The following ACTN4 variants were observed in gnomAD, a reference collection of about 807,000 sequenced individuals.
The protein encoded by ACTN4 is alpha-actinin-4.
A neutral mutation model predicts 114.2 loss-of-function variants in ACTN4; 18 were observed. That is an observed-to-expected ratio of 0.16 (90% confidence interval 0.11 to 0.23). ACTN4 has a LOEUF of 0.23. Among genes scored for constraint, ACTN4 ranks in the 10% least tolerant of loss-of-function variants. ACTN4 has a pLI of 1.00. For missense variants in ACTN4, 722 were observed against 1,262.9 expected (o/e 0.57, Z 6.49); for synonymous variants, 515 against 506.3 (o/e 1.02, Z -0.23).
chr19:38,713,179 GAGATCATTTATTTCTA>G (rs1189980411), intron 8 of ACTN4, among the ~76,000 whole-genome samples: 17 of 152,172 alleles, frequency 1.1e-4, no homozygotes, highest in Non-Finnish European at 2.5e-4. Context: ...ATTCTGTCCT[GAGATCATTTATTTCTA>G]GTCACCGAAG....
intron 4 of ACTN4, among the ~76,000 whole-genome samples, chr19:38,705,805 G>A (rs1033256274): frequency 3.3e-5 from 5 of 152,332 alleles, no homozygotes; most frequent in Non-Finnish European, 7.4e-5. Context: ...GACTCTCCTC[G>A]GGGCCGTGAG....
At chr19:38,689,949 TGA>T (rs1967869291) in intron 1 of ACTN4, among the ~76,000 whole-genome samples, 1 of 152,156 alleles carries the variant, frequency 6.6e-6, no homozygotes, top group African/African-American at 2.4e-5. Context: ...CTGGGGAAGG[TGA>T]TCGCACCCAC....
intron 1 of ACTN4, among the ~76,000 whole-genome samples, chr19:38,662,621 T>C (rs1387543358): frequency 6.6e-6 from 1 of 152,188 alleles, no homozygotes; most frequent in Non-Finnish European, 1.5e-5. Context: ...TTCCACTTTA[T>C]AAAATCAATT....
chr19:38,664,302 A>T (rs1966891727), intron 1 of ACTN4, among the ~76,000 whole-genome samples: 1 of 151,474 alleles, frequency 6.6e-6, no homozygotes, highest in Non-Finnish European at 1.5e-5. Flanking sequence ...TTTTAAACTC[A>T]TTCAGATGCT....
intron 1 of ACTN4, among the ~76,000 whole-genome samples, chr19:38,661,741 C>T (rs1197865835): frequency 6.6e-6 from 1 of 152,210 alleles, no homozygotes; most frequent in East Asian, 1.9e-4. Context: ...CAAGCTCCAC[C>T]TCCCAGGTTC....
intron 1 of ACTN4, among the ~76,000 whole-genome samples, chr19:38,659,663 C>T (rs374126492): frequency 1.3e-5 from 2 of 152,162 alleles, no homozygotes; most frequent in African/African-American, 4.8e-5. Context: ...CCAAATACGG[C>T]CTGCTCTGGG....
intron 1 of ACTN4, among the ~76,000 whole-genome samples, chr19:38,688,490 G>A (rs1192995468): frequency 6.6e-6 from 1 of 151,338 alleles, no homozygotes; most frequent in African/African-American, 2.4e-5. Context: ...AGAATCGCTT[G>A]AACCTGGGTG....
intron 1 of ACTN4, among the ~76,000 whole-genome samples, chr19:38,697,875 C>T (rs967983118): frequency 3.3e-5 from 5 of 152,248 alleles, no homozygotes; most frequent in Admixed American, 3.3e-4. Context: ...TTTGCTGCTG[C>T]CCTTTGCTCT....
chr19:38,673,546 T>TGAA, intron 1 of ACTN4, among the ~76,000 whole-genome samples: 3 of 113,492 alleles, frequency 2.6e-5, no homozygotes, highest in Admixed American at 1.1e-4. Context: ...CTTATATATA[T>TGAA]TTATATATAC....
chr19:38,649,726 C>T (rs945344955), intron 1 of ACTN4, among the ~76,000 whole-genome samples: 1 of 151,622 alleles, frequency 6.6e-6, no homozygotes, highest in African/African-American at 2.4e-5. Flanking sequence ...CTCTCGAGGG[C>T]GCGAGTTGGT....
Position 38,730,760 on chromosome 19 carries a change from A to G in ACTN4, c.*1328A>G. On this transcript the variant is annotated 3_prime_UTR_variant, in exon 21 of 21. Coordinates refer to ENST00000252699, the MANE Select transcript of ACTN4 (RefSeq NM_004924.6). ...GACTAGCCCCAGACAGGTGGATGCC[A>G]GAGAGAGTGGCACCCATGCCAGGCA... is the stretch of plus-strand genomic sequence containing the variant. The G allele has an allele frequency of 4.7e-6, 7 of 1,482,830 alleles. No individual in the cohort carries two copies. Among genetic ancestry groups the G allele is most frequent in the Non-Finnish European group, 6.4e-6 (7 of 1,089,970 alleles). The allele number at this position is 1,482,830 out of a possible 1,614,324, so 91.9% of individuals were successfully genotyped here.
At chr19:38,711,626 C>G (rs1283274075) in intron 8 of ACTN4, among the ~76,000 whole-genome samples, 2 of 152,224 alleles carry the variant, frequency 1.3e-5, no homozygotes, top group Non-Finnish European at 2.9e-5. Context: ...ATCCTAGGCT[C>G]TCAGGCGGGG....
intron 1 of ACTN4, among the ~76,000 whole-genome samples, chr19:38,673,709 TTATATATTTATATATA>T (rs1568690901): frequency 1.3e-4 from 11 of 86,984 alleles, no homozygotes; most frequent in East Asian, 2.8e-4. Flanking sequence ...ATTTATATAT[TTATATATTTATATATA>T]CTTATATATA....
At chr19:38,661,339 CTG>C (rs955590573) in intron 1 of ACTN4, among the ~76,000 whole-genome samples, 1 of 152,222 alleles carries the variant, frequency 6.6e-6, no homozygotes. Context: ...GCAGTTATCT[CTG>C]TGATGATTTC....
At position 38,660,326 on chromosome 19, in the gene ACTN4, A is replaced by G. The variant is rs184203578; in HGVS notation, c.162+12419A>G. On this transcript the variant is annotated intron_variant, in intron 1 of 20. Coordinates refer to ENST00000252699, the MANE Select transcript of ACTN4 (RefSeq NM_004924.6). ...GATAGGATTATGTGCAATAAATTAA[A>G]TAACAGCTAGCATTTTACCTTGTGC... Among the ~76,000 whole-genome samples, 53 of 152,338 alleles carry G rather than the reference A, an allele frequency of 3.5e-4. 1 individual carries two copies. The East Asian group carries it at 9.4e-3, about 27-fold the overall frequency.
chr19:38,693,872 A>G (rs1968008587), intron 1 of ACTN4, among the ~76,000 whole-genome samples: 1 of 152,222 alleles, frequency 6.6e-6, no homozygotes, highest in South Asian at 2.1e-4. Flanking sequence ...GCCTTGGCAC[A>G]CGGAGGGGTG....
In ACTN4 at chr19:38,731,484, G is replaced by A. The variant is rs1396509545; in HGVS notation, c.*2052G>A. 2.0e-5 allele frequency: 11 copies of A among 536,886 alleles called. No homozygotes were observed. The highest frequency in any genetic ancestry group is 1.0e-4 in the South Asian group (5 of 47,734). The allele number at this position is 536,886 out of a possible 1,614,324, so 33.3% of individuals were successfully genotyped here. ...CAGGACAGCGTCTGACACGTGACTC[G>A]ATGTGTGGGTACTGTTACTCCTTAA... On this transcript the variant is annotated 3_prime_UTR_variant, in exon 21 of 21. Coordinates refer to ENST00000252699, the MANE Select transcript of ACTN4 (RefSeq NM_004924.6).
chr19:38,726,853 G>A, intron 17 of ACTN4, 104 bp from the exon 18 acceptor site: 1 of 1,530,334 alleles, frequency 6.5e-7, no homozygotes, highest in African/African-American at 1.4e-5. Context: ...GAGAGCAGGG[G>A]CTTTCCCCAG....
At chr19:38,654,283 C>A (rs867011172) in intron 1 of ACTN4, among the ~76,000 whole-genome samples, 1 of 152,098 alleles carries the variant, frequency 6.6e-6, no homozygotes. Flanking sequence ...GTGAAATCGC[C>A]GGGTGTGGTG....
Sources: gnomAD v4.1 joint callset for allele counts (sites outside exome capture counted in the v4.1 genomes callset) on GRCh38, gnomAD v4.1.1 for gene constraint, MANE v1.5 for transcripts, NCBI Gene and HGNC (gene_info 2026-07-23, HGNC 2026-07-21) for gene names.